SHOC2: variants seen among roughly 807,000 people sequenced by gnomAD.
The protein encoded by SHOC2 is SHOC2 leucine rich repeat scaffold protein, also known as leucine-rich repeat protein SHOC-2.
In SHOC2, 4 loss-of-function variants were observed where a neutral mutation model predicts 50.2. The ratio of observed to expected loss-of-function variants is 0.08; its 90% CI spans 0.04 to 0.18. The LOEUF is 0.18. Ranked by LOEUF, SHOC2 falls within the 10% of genes least tolerant of loss-of-function variation. The pLI, the probability that SHOC2 is intolerant of heterozygous loss-of-function variation, is 1.00. For missense variants in SHOC2, 388 were observed against 669.6 expected (o/e 0.58, Z 4.64); for synonymous variants, 218 against 244.5 (o/e 0.89, Z 1.01).
intron 3 of SHOC2, among the ~76,000 whole-genome samples, chr10:110,992,593 G>C (rs1848205061): frequency 6.6e-6 from 1 of 152,166 alleles, no homozygotes; most frequent in Non-Finnish European, 1.5e-5. Context: ...TTGCCTTCAA[G>C]GCTGGAGTGC....
At chr10:110,969,936 T>C (rs1847747848) in intron 2 of SHOC2, among the ~76,000 whole-genome samples, 1 of 152,348 alleles carries the variant, frequency 6.6e-6, no homozygotes, top group East Asian at 1.9e-4. Flanking sequence ...ATTTGTGGTT[T>C]ACAATGTGAT....
chr10:110,923,831 C>T (rs989183129), intron 1 of SHOC2, among the ~76,000 whole-genome samples: 2 of 152,170 alleles, frequency 1.3e-5, no homozygotes, highest in African/African-American at 2.4e-5. Context: ...AGGAAGACTT[C>T]TAACGTTTAA....
At chr10:110,925,518 A>G (rs1846752795) in intron 1 of SHOC2, among the ~76,000 whole-genome samples, 2 of 152,146 alleles carry the variant, frequency 1.3e-5, no homozygotes, top group Non-Finnish European at 2.9e-5. Context: ...GCAGTGGCAC[A>G]ATCATGGGGC....
chr10:110,927,469 TTAAAA>T (rs1846799874), intron 1 of SHOC2, among the ~76,000 whole-genome samples: 1 of 152,218 alleles, frequency 6.6e-6, no homozygotes, highest in African/African-American at 2.4e-5. Flanking sequence ...ACTAGGCAGC[TTAAAA>T]TAGTAAGGTT....
intron 3 of SHOC2, among the ~76,000 whole-genome samples, chr10:110,999,149 A>G (rs1419234822): frequency 6.6e-6 from 1 of 152,214 alleles, no homozygotes. Flanking sequence ...CACTGGAAAT[A>G]ACTGTTTAAT....
intron 1 of SHOC2, among the ~76,000 whole-genome samples, chr10:110,951,004 A>G (rs917333071): frequency 1.3e-5 from 2 of 152,194 alleles, no homozygotes; most frequent in African/African-American, 4.8e-5. Flanking sequence ...ATGACCCCAA[A>G]AGCATAAGGA....
intron 2 of SHOC2, among the ~76,000 whole-genome samples, chr10:110,981,764 C>T (rs1248337793): frequency 6.6e-6 from 1 of 151,854 alleles, no homozygotes; most frequent in Non-Finnish European, 1.5e-5. Flanking sequence ...ATATTAAACC[C>T]ACCTTGCATA....
intron 2 of SHOC2, among the ~76,000 whole-genome samples, chr10:110,985,274 A>G (rs947984479): frequency 1.3e-5 from 2 of 152,188 alleles, no homozygotes; most frequent in African/African-American, 4.8e-5. Flanking sequence ...TTTGGAATAT[A>G]TGTAAACATT....
rs139104959 is a variant in SHOC2, at chr10:110,939,763, C to G, written c.-235+20106C>G. 6.7e-3 allele frequency among the ~76,000 whole-genome samples: 1,024 copies of G among 152,210 alleles called. 11 individuals are homozygous for G. Among genetic ancestry groups the G allele is most frequent in the Admixed American group, 0.012 (178 of 15,288 alleles). ...TTTTAAAATAAGCATGTATCCTTAC[C>G]AATATTACTACTAAGGAATAATCAG... On this transcript the variant is annotated intron_variant, in intron 1 of 8. Coordinates refer to ENST00000369452, the MANE Select transcript of SHOC2 (RefSeq NM_007373.4).
intron 1 of SHOC2, among the ~76,000 whole-genome samples, chr10:110,921,665 C>G (rs781675970): frequency 6.6e-6 from 1 of 152,110 alleles, no homozygotes; most frequent in Non-Finnish European, 1.5e-5. Flanking sequence ...CAAGCATCTA[C>G]CCTTTGTGAT....
At chr10:110,997,129 C>T (rs1035091388) in intron 3 of SHOC2, among the ~76,000 whole-genome samples, 1 of 152,104 alleles carries the variant, frequency 6.6e-6, no homozygotes, top group Non-Finnish European at 1.5e-5. Context: ...AACAAGTTGA[C>T]TTAGAAGCCA....
At chr10:111,000,128 C>T (rs1055940168) in intron 3 of SHOC2, among the ~76,000 whole-genome samples, 3 of 152,136 alleles carry the variant, frequency 2.0e-5, no homozygotes, top group Non-Finnish European at 4.4e-5. Context: ...TAGGCCTTAT[C>T]TAAAGATTAA....
At position 111,012,233 on chromosome 10, in the gene SHOC2, C is replaced by A; in HGVS notation, c.*415C>A. On this transcript the variant is annotated 3_prime_UTR_variant, in exon 9 of 9. Transcript: ENST00000369452. Reference sequence around the variant, plus strand: ...TGTTTTATCCTTATAGTATTGTAGGCCCTGAAAGTAGAATTTTTCTTTAAC... The same window carrying A: ...TGTTTTATCCTTATAGTATTGTAGGACCTGAAAGTAGAATTTTTCTTTAAC... 6.0e-6 allele frequency: 1 copy of A among 167,326 alleles called. No individual in the cohort carries two copies. Among genetic ancestry groups the A allele is most frequent in the Non-Finnish European group, 1.3e-5 (1 of 77,220 alleles). The allele number at this position is 167,326 out of a possible 1,614,324, so 10.4% of individuals were successfully genotyped here. A position where few individuals can be genotyped will look rare whatever the true frequency, so the allele number is the denominator to read the frequency against.
intron 1 of SHOC2, among the ~76,000 whole-genome samples, chr10:110,945,141 T>C (rs1003707351): frequency 6.6e-6 from 1 of 152,220 alleles, no homozygotes; most frequent in South Asian, 2.1e-4. Context: ...CTGCCTCAAG[T>C]AGATATGGTA....
chr10:110,972,850 A>G (rs1246003428), intron 2 of SHOC2, among the ~76,000 whole-genome samples: 1 of 152,130 alleles, frequency 6.6e-6, no homozygotes, highest in Non-Finnish European at 1.5e-5. Context: ...AAAAAAATGG[A>G]ACACAGAAAA....
intron 3 of SHOC2, among the ~76,000 whole-genome samples, chr10:110,999,942 C>T (rs901357637): frequency 2.0e-5 from 3 of 151,944 alleles, no homozygotes. Context: ...TTTCTGATCT[C>T]AGAAAATAAT....
At chr10:111,002,314 TA>T (rs1848393249) in intron 4 of SHOC2, among the ~76,000 whole-genome samples, 1 of 152,084 alleles carries the variant, frequency 6.6e-6, no homozygotes, top group South Asian at 2.1e-4. Context: ...AGGAAAACAA[TA>T]AAATCCATTA....
chr10:110,942,453 G>A (rs1319310437), intron 1 of SHOC2, among the ~76,000 whole-genome samples: 1 of 152,032 alleles, frequency 6.6e-6, no homozygotes, highest in Non-Finnish European at 1.5e-5. Flanking sequence ...GCTCAAGCAA[G>A]TCTCCCGCCT....
intron 1 of SHOC2, among the ~76,000 whole-genome samples, chr10:110,954,072 G>C (rs1284362081): frequency 6.6e-6 from 1 of 151,128 alleles, no homozygotes; most frequent in African/African-American, 2.4e-5. Context: ...GCTACTGTTT[G>C]CCTCTTTTTA....
Sources: gnomAD v4.1 joint callset for allele counts (sites outside exome capture counted in the v4.1 genomes callset) on GRCh38, gnomAD v4.1.1 for gene constraint, MANE v1.5 for transcripts, NCBI Gene and HGNC (gene_info 2026-07-23, HGNC 2026-07-21) for gene names.